PCDHGB5: variants seen among roughly 807,000 people sequenced by gnomAD.
PCDHGB5 encodes protocadherin gamma subfamily B, 5.
A neutral mutation model predicts 62.9 loss-of-function variants in PCDHGB5; 48 were observed. The observed-to-expected ratio is 0.76, with a 90% CI of 0.61 to 0.97. PCDHGB5 has a LOEUF of 0.97. Ranked by LOEUF, PCDHGB5 falls within the 50% of genes least tolerant of loss-of-function variation. The pLI is 0.00. For missense variants in PCDHGB5, 1,118 were observed against 1,198.6 expected (o/e 0.93, Z 0.99); for synonymous variants, 474 against 511.2 (o/e 0.93, Z 0.98).
chr5:141,400,426 G>A lies in PCDHGB5; in HGVS notation c.2299G>A (p.Glu767Lys), dbSNP rs1346018954. 6.2e-7 allele frequency: 1 copy of A among 1,614,060 alleles called. No homozygotes were observed. The highest frequency in any genetic ancestry group is 8.5e-7 in the Non-Finnish European group (1 of 1,179,906). ...KTEFNFLKCS[E>K]QLSSGQDILC... ...GGAGTTTAATTTCCTAAAATGTAGT[G>A]AGCAATTGAGTTCAGGACAAGACAT... Residue 767 changes from glutamate to lysine, a missense_variant, in exon 1 of 4, where the codon GAG (glutamate) becomes AAG (lysine). By Grantham distance (56) the Glu-to-Lys change is moderately conservative. Around this residue, in one of 2 missense-constraint regions of PCDHGB5, gnomAD observed 1,034 missense variants for 1,029.1 expected, o/e 1.00. Coordinates refer to ENST00000617380, the MANE Select transcript of PCDHGB5 (RefSeq NM_018925.3).
chr5:141,450,829 A>ATTTTTT (rs373424450), intron 1 of PCDHGB5, among the ~76,000 whole-genome samples: 1 of 135,126 alleles, frequency 7.4e-6, no homozygotes. Context: ...TATTATTATT[A>ATTTTTT]TTTTTTTTTT....
At chr5:141,468,849 G>C (rs1349849817) in intron 1 of PCDHGB5, among the ~76,000 whole-genome samples, 2 of 152,058 alleles carry the variant, frequency 1.3e-5, no homozygotes, top group East Asian at 3.9e-4. Flanking sequence ...CTGGGCAACA[G>C]AGCGAGACTC....
chr5:141,408,048 G>C, intron 1 of PCDHGB5: 1 of 1,245,698 alleles, frequency 8.0e-7, no homozygotes, highest in Non-Finnish European at 1.1e-6. Context: ...CTCCCACACA[G>C]AGCCTCCCGG....
intron 1 of PCDHGB5, among the ~76,000 whole-genome samples, chr5:141,482,326 G>T (rs982211258): frequency 6.6e-6 from 1 of 152,072 alleles, no homozygotes. Context: ...AAAATAAAGA[G>T]AATATCTACT....
At chr5:141,406,312 C>G (rs2094792276) in intron 1 of PCDHGB5, among the ~76,000 whole-genome samples, 1 of 152,028 alleles carries the variant, frequency 6.6e-6, no homozygotes, top group African/African-American at 2.4e-5. Context: ...CCACCTCACC[C>G]AGCAAATTCT....
rs756993242 is a variant in PCDHGB5 at position 141,432,265 on chromosome 5, G to T, written c.2397+31741G>T. 2.5e-6 allele frequency: 4 copies of T among 1,614,210 alleles called. No homozygotes were observed. The South Asian group carries it at 3.3e-5, about 13-fold the overall frequency. ...ACACCATCCAAGGGGCAAGCCTATC[G>T]TCCTACGTGTCCATCAACTCCGACA... On this transcript the variant is annotated intron_variant, in intron 1 of 3. Coordinates refer to ENST00000617380, the MANE Select transcript of PCDHGB5 (RefSeq NM_018925.3). This position sits in a 1 kb window ranked among gnomAD's most constrained non-coding sequence, Gnocchi z 6.0.
At chr5:141,463,165 C>G (rs1042153238) in intron 1 of PCDHGB5, among the ~76,000 whole-genome samples, 1 of 152,148 alleles carries the variant, frequency 6.6e-6, no homozygotes, top group Non-Finnish European at 1.5e-5. Context: ...TCAGTGCACT[C>G]TATGTATGCT....
intron 1 of PCDHGB5, among the ~76,000 whole-genome samples, chr5:141,406,812 T>G (rs528041804): frequency 6.6e-6 from 1 of 152,350 alleles, no homozygotes; most frequent in East Asian, 1.9e-4. Context: ...CTCCAACTTT[T>G]GAGTCTAGAA....
In PCDHGB5 at chr5:141,511,036, G is replaced by T; in HGVS notation, c.2635G>T (p.Val879Leu). The T allele has an allele frequency of 1.2e-6, 2 of 1,614,200 alleles. No homozygotes were observed. The highest frequency in any genetic ancestry group is 1.7e-6 in the Non-Finnish European group (2 of 1,180,024). Residue 879 changes from valine to leucine, a missense_variant, in exon 4 of 4, where the codon GTG (valine) becomes TTG (leucine). This residue lies in a region of PCDHGB5 where 1,034 missense variants were observed against 1,029.1 expected (regional missense o/e 1.00). Transcript: ENST00000617380. ...RYGPQFTLQHVPDYRQNVYIP... is the reference protein window; with the variant it reads ...RYGPQFTLQHLPDYRQNVYIP... Reference sequence around the variant, plus strand: ...CGGACCCCAGTTCACCCTGCAGCACGTGCCCGACTACCGCCAGAATGTCTA... The same window carrying T: ...CGGACCCCAGTTCACCCTGCAGCACTTGCCCGACTACCGCCAGAATGTCTA...
At chr5:141,414,496 C>T in intron 1 of PCDHGB5, 7 of 1,613,956 alleles carry the variant, frequency 4.3e-6, no homozygotes, top group Middle Eastern at 1.6e-4. Flanking sequence ...AACGGAAGCT[C>T]ACTTTATGCT....
At chr5:141,419,431 G>A in intron 1 of PCDHGB5, 2 of 1,613,306 alleles carry the variant, frequency 1.2e-6, no homozygotes. Context: ...ACCACGAGCA[G>A]CTGCGCACCT....
chr5:141,421,791 T>TG, intron 1 of PCDHGB5: 1 of 1,613,792 alleles, frequency 6.2e-7, no homozygotes, highest in Non-Finnish European at 8.5e-7. Flanking sequence ...GCAGAACGGA[T>TG]GGGGCCAAGA....
Position 141,398,787 on chromosome 5 carries a change from A to C in PCDHGB5, c.660A>C (p.Pro220=). ...TGACTGCCTTGGACGGTGGACATCC[A>C]CCCCTAAGCGGCACCACTGAGCTCC... is the stretch of plus-strand genomic sequence containing the variant. ...LVLTALDGGH[P]PLSGTTELRI... The change falls in exon 1 of 4, where the codon CCA becomes CCC. Residue 220 remains proline, a synonymous_variant. Transcript: ENST00000617380. 6.2e-7 allele frequency: 1 copy of C among 1,613,902 alleles called. No homozygotes were observed. Among genetic ancestry groups the C allele is most frequent in the South Asian group, 1.1e-5 (1 of 91,078 alleles).
chr5:141,490,923 C>T lies in PCDHGB5; in HGVS notation c.2398-3884C>T. The T allele has an allele frequency of 6.2e-7, 1 of 1,613,668 alleles. No homozygotes were observed. Among genetic ancestry groups the T allele is most frequent in the South Asian group, 1.1e-5 (1 of 91,050 alleles). On this transcript the variant is annotated intron_variant, in intron 1 of 3. Coordinates refer to ENST00000617380, the MANE Select transcript of PCDHGB5 (RefSeq NM_018925.3). The surrounding 1 kb of genome is among the most constrained non-coding windows in gnomAD (Gnocchi z 5.4). ...TTGTCCTAGACGAGAATGATAATGC[C>T]CCAGCTGTGCTGCACCCACGGCCAG...
chr5:141,474,518 G>T (rs1054372142), intron 1 of PCDHGB5, among the ~76,000 whole-genome samples: 1 of 152,168 alleles, frequency 6.6e-6, no homozygotes, highest in African/African-American at 2.4e-5. Context: ...CCTCTTGCTG[G>T]TCTGGCTAAT....
chr5:141,440,008 C>G, intron 1 of PCDHGB5: 1 of 153,238 alleles, frequency 6.5e-6, no homozygotes. Context: ...GAAACCTTGC[C>G]AAGGATCTGG....
rs1195316502 is a variant in PCDHGB5 at position 141,431,006 on chromosome 5, A to G, written c.2397+30482A>G. 1.2e-6 allele frequency: 2 copies of G among 1,614,116 alleles called. No individual in the cohort carries two copies. Among genetic ancestry groups the G allele is most frequent in the South Asian group, 2.2e-5 (2 of 91,078 alleles). ...TTTCGCCCTGAATCCGCGCAGCGGC[A>G]GCTTGGTCACGGCGGGCAGGATAGA... On this transcript the variant is annotated intron_variant, in intron 1 of 3. Transcript: ENST00000617380. The surrounding 1 kb of genome is among the most constrained non-coding windows in gnomAD (Gnocchi z 4.8).
In PCDHGB5 at chr5:141,493,664, G is replaced by A. The variant is rs2099749444; in HGVS notation, c.2398-1143G>A. Reference sequence around the variant, plus strand: ...TGGCCATCCCTGTGCCCTTCTCCATGGCAGCCCCAGAATGGTGCTGGTGAC... The same window carrying A: ...TGGCCATCCCTGTGCCCTTCTCCATAGCAGCCCCAGAATGGTGCTGGTGAC... On this transcript the variant is annotated intron_variant, in intron 1 of 3. Coordinates refer to ENST00000617380, the MANE Select transcript of PCDHGB5 (RefSeq NM_018925.3). This position sits in a 1 kb window ranked among gnomAD's most constrained non-coding sequence, Gnocchi z 4.3. Among the ~76,000 whole-genome samples, 1 of 152,136 alleles carries A rather than the reference G, an allele frequency of 6.6e-6. No homozygotes were observed. Among genetic ancestry groups the A allele is most frequent in the Non-Finnish European group, 1.5e-5 (1 of 68,026 alleles).
intron 1 of PCDHGB5, chr5:141,414,994 T>C (rs1390374290): frequency 3.7e-6 from 6 of 1,613,626 alleles, no homozygotes; most frequent in Non-Finnish European, 4.2e-6. Flanking sequence ...CCAGAACGCC[T>C]GGCTGTCCTA....
Sources: allele counts gnomAD v4.1 joint callset (sites outside exome capture counted in the v4.1 genomes callset), GRCh38; gene constraint gnomAD v4.1.1; regional missense constraint gnomAD v4.1.1; non-coding constraint Gnocchi (gnomAD v3.1); transcripts MANE v1.5; gene names NCBI Gene and HGNC (gene_info 2026-07-23, HGNC 2026-07-21).